TSR3: variants seen among roughly 807,000 people sequenced by gnomAD.
The protein encoded by TSR3 is TSR3 ribosome maturation factor.
Under a neutral mutation model 28.1 loss-of-function variants are expected in TSR3, and 31 were observed. That is an observed-to-expected ratio of 1.10 (90% CI 0.83 to 1.49). The LOEUF (loss-of-function observed/expected upper bound fraction) is 1.49, where lower values mean the gene tolerates loss of function less well. Among genes scored for constraint, TSR3 ranks in the 40% most tolerant of loss-of-function variants. The pLI is 0.00. For missense variants in TSR3, 511 were observed against 444.0 expected, an observed-to-expected ratio of 1.15 and a Z score of -1.36; for synonymous variants, 219 against 197.2, an observed-to-expected ratio of 1.11 and a Z score of -0.93.
chr16:1,351,438 G>C lies in TSR3; in HGVS notation c.273C>G (p.His91Gln). ...LGLVRCLRLG[H>Q]RFGGLVLSPV... ...GGCTCAGCACCAGACCGCCGAATCT[G>C]TGGCCCAGGCGCAGGCAGCGCACCA... The change falls in exon 2 of 6, where the codon CAC becomes CAG. Residue 91 changes from histidine (H) to glutamine (Q), a missense_variant. Coordinates refer to ENST00000007390, the MANE Select transcript of TSR3 (RefSeq NM_001001410.3). 1 of 1,595,336 alleles carries C rather than the reference G, an allele frequency of 6.3e-7. No individual in the cohort carries two copies. Among genetic ancestry groups the C allele is most frequent in the Non-Finnish European group, 8.5e-7 (1 of 1,178,692 alleles).
Position 1,351,001 on chromosome 16 carries a change from C to T in TSR3, c.333-1G>A, listed in dbSNP as rs765653654. 3 of 1,611,270 alleles carry T rather than the reference C, an allele frequency of 1.9e-6. No homozygotes were observed. The highest frequency in any genetic ancestry group is 1.1e-5 in the South Asian group (1 of 91,000). ...GACCCCAGACTGCGCCACCAGCTGT[C>T]TGCCAGGGACAGCATGGGATAAGTT... On this transcript the variant is annotated splice_acceptor_variant, in intron 2 of 5. Transcript: ENST00000007390. LOFTEE classifies it high-confidence loss of function.
intron 2 of TSR3, 145 bp downstream of exon 2, chr16:1,351,234 C>A (rs781481717): frequency 4.9e-6 from 5 of 1,028,060 alleles, no homozygotes; most frequent in South Asian, 3.3e-5. Flanking sequence ...AGGCTCTGCG[C>A]TACGCAACGG....
chr16:1,350,061 T>C lies in TSR3; in HGVS notation c.700A>G (p.Ile234Val), dbSNP rs2034628399. Residue 234 changes from isoleucine (I) to valine (V), a missense_variant, in exon 4 of 6, where the codon ATC becomes GTC. Ile to Val is a conservative substitution (Grantham distance 29, BLOSUM62 3). Coordinates refer to ENST00000007390, the MANE Select transcript of TSR3 (RefSeq NM_001001410.3). ...NAKESPQEEE[I>V]DPFDVDSGRE... is the part of the protein sequence containing the mutation. ...TTCCCACCCCGCCAAGGCTCACCGA[T>C]CTCCTCCTCCTGGGGGCTCTCCTTG... 7 of 1,607,668 alleles carry C rather than the reference T, an allele frequency of 4.4e-6. No homozygotes were observed. The highest frequency in any genetic ancestry group is 6.0e-6 in the Non-Finnish European group (7 of 1,176,070).
At position 1,351,476 on chromosome 16, in the gene TSR3, C is replaced by T. The variant is rs774466718; in HGVS notation, c.235G>A (p.Ala79Thr). ...AGGCAGCGCACCAGCCCCAGGCGGG[C>T]CAGCTTGCGGCCCGTGCAGCGCCGG... The part of the protein sequence containing the change: ...DPRRCTGRKL[A>T]RLGLVRCLRL... Residue 79 changes from alanine (A) to threonine (T), a missense_variant, in exon 2 of 6, where the codon GCC (alanine) becomes ACC (threonine). By Grantham distance (58) the Ala-to-Thr change is moderately conservative. Coordinates refer to ENST00000007390, the MANE Select transcript of TSR3 (RefSeq NM_001001410.3). 3.2e-6 allele frequency: 5 copies of T among 1,582,272 alleles called. No individual in the cohort carries two copies. Among genetic ancestry groups the T allele is most frequent in the Non-Finnish European group, 4.3e-6 (5 of 1,172,682 alleles).
chr16:1,350,730 G>T, intron 3 of TSR3, 77 bp downstream of exon 3: 2 of 1,505,316 alleles, frequency 1.3e-6, no homozygotes, highest in Non-Finnish European at 1.8e-6. Context: ...GGGTCTGTCG[G>T]CAGGAAACAT....
Position 1,351,401 on chromosome 16 carries a change from G to C in TSR3, c.310C>G (p.Gln104Glu), listed in dbSNP as rs767468573. 6.3e-7 allele frequency: 1 copy of C among 1,594,244 alleles called. No homozygotes were observed. Among genetic ancestry groups the C allele is most frequent in the South Asian group, 1.1e-5 (1 of 90,678 alleles). The change falls in exon 2 of 6, where the codon CAG (glutamine) becomes GAG (glutamate). Residue 104 changes from glutamine (Q) to glutamate (E), a missense_variant. Coordinates refer to ENST00000007390, the MANE Select transcript of TSR3 (RefSeq NM_001001410.3). ...TACCTGTCTGCGGGGGACGCGTACTGCTTGCCCACGGGGCTCAGCACCAGA... is the reference window on the plus strand; with the variant it reads ...TACCTGTCTGCGGGGGACGCGTACTCCTTGCCCACGGGGCTCAGCACCAGA... ...GGLVLSPVGK[Q>E]YASPADRQLV...
intron 5 of TSR3, 134 bp downstream of exon 5, chr16:1,349,755 C>A (rs2034616123): frequency 1.4e-6 from 2 of 1,382,876 alleles, no homozygotes; most frequent in Non-Finnish European, 1.0e-6. Flanking sequence ...GGGACATGCA[C>A]TGCAGGTTTT....
chr16:1,349,952 T>C lies in TSR3; in HGVS notation c.704A>G (p.Asp235Gly), dbSNP rs767626640. 2.5e-5 allele frequency: 41 copies of C among 1,613,330 alleles called. No homozygotes were observed. The South Asian group carries it at 4.3e-4, about 17-fold the overall frequency. The part of the protein sequence containing the change: ...AKESPQEEEI[D>G]PFDVDSGREF... ...TCTCCCTGAATCCACATCGAAGGGA[T>C]CTGAGCCGAGAGAGGAAAGTGGCCT... The change falls in exon 5 of 6, where the codon GAT becomes GGT. Residue 235 changes from aspartate to glycine, a missense_variant and splice_region_variant. By Grantham distance (94) the Asp-to-Gly change is moderately conservative. Coordinates refer to ENST00000007390, the MANE Select transcript of TSR3 (RefSeq NM_001001410.3).
chr16:1,350,104 C>T lies in TSR3; in HGVS notation c.657G>A (p.Gln219=). ...TCTCCTTGGCATTGGCCAAGAACTC[C>T]TGCTCCGCCTGCAGCACCTCCTCCG... ...GSPEEVLQAE[Q]EFLANAKESP... is the part of the protein sequence containing the mutation. The change falls in exon 4 of 6, where the codon CAG becomes CAA. Residue 219 remains glutamine (Q), a synonymous_variant. Coordinates refer to ENST00000007390, the MANE Select transcript of TSR3 (RefSeq NM_001001410.3). 1 of 1,610,980 alleles carries T rather than the reference C, an allele frequency of 6.2e-7. No homozygotes were observed. The highest frequency in any genetic ancestry group is 2.2e-5 in the East Asian group (1 of 44,812).
At chr16:1,351,337 G>A in intron 2 of TSR3, 42 bp downstream of exon 2, 2 of 1,542,650 alleles carry the variant, frequency 1.3e-6, no homozygotes, top group Non-Finnish European at 1.7e-6. Flanking sequence ...GGAACCACGC[G>A]CTGGAAATGA....
chr16:1,349,760 G>A (rs2034616207), intron 5 of TSR3, 129 bp downstream of exon 5: 1 of 1,395,492 alleles, frequency 7.2e-7, no homozygotes, highest in Non-Finnish European at 9.9e-7. Context: ...ATGCACTGCA[G>A]GTTTTCTAGT....
chr16:1,350,985 C>G lies in TSR3; in HGVS notation c.348G>C (p.Gln116His). The change falls in exon 3 of 6, where the codon CAG becomes CAC. Residue 116 changes from glutamine to histidine, a missense_variant. Gln to His is a conservative substitution (Grantham distance 24, BLOSUM62 0). Transcript: ENST00000007390. ...ASPADRQLVA[Q>H]SGVAVIDCSW... ...AGCAGTCGATGACGGCGACCCCAGA[C>G]TGCGCCACCAGCTGTCTGCCAGGGA... is the stretch of plus-strand genomic sequence containing the variant. 1 of 1,611,886 alleles carries G rather than the reference C, an allele frequency of 6.2e-7. No homozygotes were observed.
chr16:1,350,717 C>T (rs961259574), intron 3 of TSR3, 90 bp downstream of exon 3: 1 of 1,445,758 alleles, frequency 6.9e-7, no homozygotes, highest in Non-Finnish European at 9.5e-7. Context: ...TATGCTCCTC[C>T]TGGGGTCTGT....
Position 1,351,681 on chromosome 16 carries a change from C to T in TSR3, c.112+12G>A, listed in dbSNP as rs1411662742. 7.2e-7 allele frequency: 1 copy of T among 1,389,552 alleles called. No homozygotes were observed. The highest frequency in any genetic ancestry group is 3.6e-5 in the Admixed American group (1 of 27,452). 86.1% of individuals were successfully genotyped at this position (1,389,552 alleles called of 1,614,324 possible). A position where few individuals can be genotyped will look rare whatever the true frequency, so the allele number is the denominator to read the frequency against. On this transcript the variant is annotated intron_variant, in intron 1 of 5. Transcript: ENST00000007390. ...AAACCCTGACCCGCTCTCCCCATCACGCCTCGCTCACCCTGCAGCGCGGCG... is the reference window on the plus strand; with the variant it reads ...AAACCCTGACCCGCTCTCCCCATCATGCCTCGCTCACCCTGCAGCGCGGCG...
At chr16:1,350,329 T>A in intron 3 of TSR3, 95 bp from the exon 4 acceptor site, 3 of 1,331,814 alleles carry the variant, frequency 2.3e-6, no homozygotes, top group Non-Finnish European at 2.0e-6. Context: ...CTCTCCCAAG[T>A]AACCGCAGGG....
Position 1,350,667 on chromosome 16 carries a change from G to A in TSR3, c.526+140C>T, listed in dbSNP as rs1183626638. ...AAAACCTGAAGTGACAGTTGGGGCT[G>A]GAACCGTGGTCTGTCTGAACTGTTC... is the stretch of plus-strand genomic sequence containing the variant. On this transcript the variant is annotated intron_variant, in intron 3 of 5. Transcript: ENST00000007390. 4.0e-6 allele frequency: 4 copies of A among 996,610 alleles called. No homozygotes were observed. In the African/African-American group the frequency reaches 4.9e-5, roughly 12 times the overall value. The allele number at this position is 996,610 out of a possible 1,614,324, so 61.7% of individuals were successfully genotyped here.
chr16:1,351,322 T>C, intron 2 of TSR3, 57 bp downstream of exon 2: 2 of 1,525,976 alleles, frequency 1.3e-6, no homozygotes, highest in Non-Finnish European at 1.8e-6. Flanking sequence ...AAACCATCCC[T>C]GAAGGGAACC....
Position 1,350,194 on chromosome 16 carries a change from T to C in TSR3, c.567A>G (p.Lys189=), listed in dbSNP as rs375137026. 529 of 1,605,578 alleles carry C rather than the reference T, an allele frequency of 3.3e-4. No individual in the cohort carries two copies. The highest frequency in any genetic ancestry group is 4.0e-4 in the Non-Finnish European group (477 of 1,178,746). ...DLAVILLRKF[K]WGKGFLDLNR... The stretch of plus-strand genomic sequence containing the variant: ...TCAGGTCCAAGAAGCCCTTGCCCCA[T>C]TTAAACTTCCGCAGCAAAATGACAG... Residue 189 remains lysine (K), a synonymous_variant, in exon 4 of 6, where the codon AAA becomes AAG. Coordinates refer to ENST00000007390, the MANE Select transcript of TSR3 (RefSeq NM_001001410.3).
chr16:1,351,469 A>C lies in TSR3; in HGVS notation c.242T>G (p.Leu81Arg). 2 of 1,585,936 alleles carry C rather than the reference A, an allele frequency of 1.3e-6. No individual in the cohort carries two copies. The highest frequency in any genetic ancestry group is 1.7e-6 in the Non-Finnish European group (2 of 1,174,306). The change falls in exon 2 of 6, where the codon CTG (leucine) becomes CGG (arginine). Residue 81 changes from leucine (L) to arginine (R), a missense_variant. Transcript: ENST00000007390. ...CAGGCGCAGGCAGCGCACCAGCCCC[A>C]GGCGGGCCAGCTTGCGGCCCGTGCA... ...RRCTGRKLAR[L>R]GLVRCLRLGH...
Sources: allele counts gnomAD v4.1 joint callset, GRCh38; gene constraint gnomAD v4.1.1; transcripts MANE v1.5; gene names NCBI Gene and HGNC (gene_info 2026-07-23, HGNC 2026-07-21).